SYNM: variants seen among roughly 807,000 people sequenced by gnomAD.
SYNM encodes desmuslin.
In SYNM, 95 loss-of-function variants were observed where a neutral mutation model predicts 104.0. That is an observed-to-expected ratio of 0.91 (90% confidence interval 0.77 to 1.08). The LOEUF is 1.08. Among genes scored for constraint, SYNM ranks in the 50% least tolerant of loss-of-function variants. The pLI, the probability that SYNM is intolerant of heterozygous loss-of-function variation, is 0.00. For missense variants in SYNM, 2,150 were observed against 2,052.2 expected, an observed-to-expected ratio of 1.05 and a Z score of -0.92; for synonymous variants, 918 against 869.0, an observed-to-expected ratio of 1.06 and a Z score of -0.99.
downstream of SYNM, chr15:99,140,013 A>C: frequency 4.1e-6 from 1 of 241,516 alleles, no homozygotes; most frequent in South Asian, 5.4e-5. Context: ...GGCCAAAATA[A>C]TTTTGAGAAA....
At chr15:99,124,735 G>A (rs144115398) in intron 2 of SYNM, among the ~76,000 whole-genome samples, 242 of 152,314 alleles carry the variant, frequency 1.6e-3, no homozygotes, top group African/African-American at 5.6e-3. Context: ...CTGGTGAGCC[G>A]TATGCCCTTG....
chr15:99,114,007 G>A (rs564740630), intron 2 of SYNM, among the ~76,000 whole-genome samples: 3 of 130,910 alleles, frequency 2.3e-5, no homozygotes, highest in Non-Finnish European at 5.1e-5. Flanking sequence ...ACATGTCAAC[G>A]TGTTGGATCC....
In SYNM at chr15:99,130,084, G is replaced by C. The variant is rs781893479; in HGVS notation, c.1724G>C (p.Arg575Thr). ...DSPKEKSVRE[R>T]EVPISLEVSQ... is the part of the protein sequence containing the mutation. ...CCGAAGGAGAAGAGCGTGCGAGAGA[G>C]AGAGGTGCCGATTAGTCTAGAAGTA... Residue 575 changes from arginine to threonine, a missense_variant, in exon 4 of 4, where the codon AGA (arginine) becomes ACA (threonine). Coordinates refer to ENST00000336292, the MANE Select transcript of SYNM (RefSeq NM_145728.3). 5.0e-6 allele frequency: 8 copies of C among 1,613,872 alleles called. 1 individual carries two copies. Among genetic ancestry groups the C allele is most frequent in the South Asian group, 4.4e-5 (4 of 91,090 alleles).
chr15:99,105,378 G>T lies in SYNM; in HGVS notation c.179G>T (p.Cys60Phe), dbSNP rs1026760724. The T allele has an allele frequency of 4.6e-6, 7 of 1,520,320 alleles. No individual in the cohort carries two copies. The highest frequency in any genetic ancestry group is 6.1e-6 in the Non-Finnish European group (7 of 1,139,612). The allele number at this position is 1,520,320 out of a possible 1,614,324, so 94.2% of individuals were successfully genotyped here. A position where few individuals can be genotyped will look rare whatever the true frequency, so the allele number is the denominator to read the frequency against. The change falls in exon 1 of 4, where the codon TGC becomes TTC. Residue 60 changes from cysteine (C) to phenylalanine (F), a missense_variant. By Grantham distance (205) the Cys-to-Phe change is radical. Coordinates refer to ENST00000336292, the MANE Select transcript of SYNM (RefSeq NM_145728.3). ...CTGTGGGCCGAGGGGCAGGCCCGCT[G>T]CGCCGAGGAGGCGCGCAGCTTGCGG... ...EGLWAEGQAR[C>F]AEEARSLRQQ...
At chr15:99,124,359 G>T (rs192351412) in intron 2 of SYNM, among the ~76,000 whole-genome samples, 1 of 152,344 alleles carries the variant, frequency 6.6e-6, no homozygotes, top group Non-Finnish European at 1.5e-5. Flanking sequence ...GGCTGCCATT[G>T]GGCTGGATGT....
At chr15:99,138,060 GGATGCT>G, downstream of SYNM, 3 of 1,613,974 alleles carry the variant, frequency 1.9e-6, no homozygotes, top group Non-Finnish European at 2.5e-6. Context: ...GTGTCCTGAG[GGATGCT>G]GGTGCAGAAG....
chr15:99,132,210 T>C lies in SYNM; in HGVS notation c.3850T>C (p.Ser1284Pro). The change falls in exon 4 of 4, where the codon TCA (serine) becomes CCA (proline). Residue 1284 changes from serine to proline, a missense_variant. Transcript: ENST00000336292. ...GCAAATCCAGTTCACAGCTCCACTT[T>C]CAGACAAGGTGGAGTTGGGTGTCAT... ...SGQIQFTAPL[S>P]DKVELGVIGD... 4 of 1,612,988 alleles carry C rather than the reference T, an allele frequency of 2.5e-6. No homozygotes were observed. Among genetic ancestry groups the C allele is most frequent in the Non-Finnish European group, 3.4e-6 (4 of 1,179,120 alleles).
At chr15:99,124,415 C>G (rs2067429243) in intron 2 of SYNM, among the ~76,000 whole-genome samples, 1 of 152,116 alleles carries the variant, frequency 6.6e-6, no homozygotes, top group African/African-American at 2.4e-5. Context: ...GCCGGGTGCT[C>G]ACAGATAGTA....
chr15:99,107,611 C>CT (rs144432270), intron 1 of SYNM, among the ~76,000 whole-genome samples: 2,126 of 152,286 alleles, frequency 0.014, 49 homozygotes, highest in African/African-American at 0.048. Flanking sequence ...TTCCAGTGTT[C>CT]TTTCTTAGCG....
Position 99,105,282 on chromosome 15 carries a change from G to C in SYNM, c.83G>C (p.Arg28Pro), listed in dbSNP as rs782357212. 5 of 1,556,302 alleles carry C rather than the reference G, an allele frequency of 3.2e-6. No individual in the cohort carries two copies. The Admixed American group carries it at 5.8e-5, about 18-fold the overall frequency. The change falls in exon 1 of 4, where the codon CGG becomes CCG. Residue 28 changes from arginine to proline, a missense_variant. By Grantham distance (103) the Arg-to-Pro change is moderately radical. Coordinates refer to ENST00000336292, the MANE Select transcript of SYNM (RefSeq NM_145728.3). The stretch of plus-strand genomic sequence containing the variant: ...GCCCGGCTCTATGACTACGTGTGTC[G>C]GGTGCGGGAGCTGGAGCGCGAAAAC... ...LNARLYDYVC[R>P]VRELERENLL...
intron 2 of SYNM, among the ~76,000 whole-genome samples, chr15:99,125,281 C>G (rs1198889996): frequency 2.0e-5 from 3 of 152,220 alleles, no homozygotes; most frequent in African/African-American, 7.2e-5. Context: ...GGCTTTTACC[C>G]CGAATGTTCC....
intron 1 of SYNM, among the ~76,000 whole-genome samples, chr15:99,111,847 C>T (rs1189380225): frequency 6.6e-6 from 1 of 152,194 alleles, no homozygotes; most frequent in Non-Finnish European, 1.5e-5. Context: ...GAGTTCAAGA[C>T]CATCCTGGCC....
At chr15:99,138,148 G>A (rs76095473), downstream of SYNM, 2,959 of 1,610,890 alleles carry the variant, frequency 1.8e-3, 45 homozygotes, top group African/African-American at 0.034. Flanking sequence ...GCAGAGGGTG[G>A]GGTGAGTGTG....
chr15:99,139,760 A>G, downstream of SYNM: 1 of 1,311,514 alleles, frequency 7.6e-7, no homozygotes, highest in Non-Finnish European at 1.0e-6. Flanking sequence ...AAAGATTTAA[A>G]AAAATAGTTT....
In SYNM at chr15:99,132,078, A is replaced by G; in HGVS notation, c.3718A>G (p.Ile1240Val). ...AEKEIIFQGPISAAGKVGDYF... is the reference protein window; with the variant it reads ...AEKEIIFQGPVSAAGKVGDYF... ...AAAGGAGATTATTTTTCAGGGCCCC[A>G]TTTCTGCTGCAGGGAAGGTTGGTGA... Residue 1240 changes from isoleucine (I) to valine (V), a missense_variant, in exon 4 of 4, where the codon ATT (isoleucine) becomes GTT (valine). Physicochemically the swap from Ile to Val is conservative, Grantham distance 29. Coordinates refer to ENST00000336292, the MANE Select transcript of SYNM (RefSeq NM_145728.3). 4 of 1,613,926 alleles carry G rather than the reference A, an allele frequency of 2.5e-6. No homozygotes were observed. The highest frequency in any genetic ancestry group is 1.6e-4 in the Middle Eastern group (1 of 6,062).
chr15:99,105,705 G>A lies in SYNM; in HGVS notation c.506G>A (p.Arg169His). Reference sequence around the variant, plus strand: ...AGCCTTACCATGCATTTCCGCGCCCGCGCCACCGGCCCCGCCGCGCCGCCG... The same window carrying A: ...AGCCTTACCATGCATTTCCGCGCCCACGCCACCGGCCCCGCCGCGCCGCCG... ...AASLTMHFRA[R>H]ATGPAAPPPR... The change falls in exon 1 of 4, where the codon CGC becomes CAC. Residue 169 changes from arginine (R) to histidine (H), a missense_variant. Transcript: ENST00000336292. 2 of 1,488,118 alleles carry A rather than the reference G, an allele frequency of 1.3e-6. No homozygotes were observed. Among genetic ancestry groups the A allele is most frequent in the Non-Finnish European group, 8.9e-7 (1 of 1,124,582 alleles). 92.2% of individuals were successfully genotyped at this position (1,488,118 alleles called of 1,614,324 possible).
At chr15:99,115,729 T>G (rs897097420) in intron 2 of SYNM, among the ~76,000 whole-genome samples, 5 of 152,306 alleles carry the variant, frequency 3.3e-5, no homozygotes, top group African/African-American at 9.6e-5. Context: ...CACAAAGTGC[T>G]GAGATTACAG....
At chr15:99,116,385 A>G (rs540600586) in intron 2 of SYNM, among the ~76,000 whole-genome samples, 25 of 152,006 alleles carry the variant, frequency 1.6e-4, no homozygotes, top group Middle Eastern at 6.8e-3. Context: ...AGTGACAGAA[A>G]CTCTCCTCAG....
At chr15:99,136,209 T>A (rs2067584676), downstream of SYNM, 1 of 147,036 alleles carries the variant, frequency 6.8e-6, no homozygotes. Flanking sequence ...GGAGGGAACA[T>A]TCCTAAATTC....
Sources: gnomAD v4.1 joint callset for allele counts (sites outside exome capture counted in the v4.1 genomes callset) on GRCh38, gnomAD v4.1.1 for gene constraint, MANE v1.5 for transcripts, NCBI Gene and HGNC (gene_info 2026-07-23, HGNC 2026-07-21) for gene names.